MAN2A1: variants seen among roughly 807,000 people sequenced by gnomAD.
MAN2A1 encodes the protein alpha-mannosidase 2.
A neutral mutation model predicts 142.6 loss-of-function variants in MAN2A1; 76 were observed. The observed-to-expected ratio is 0.53, with a 90% confidence interval of 0.44 to 0.65. The LOEUF is 0.65. Among genes scored for constraint, MAN2A1 ranks in the 30% least tolerant of loss-of-function variants. MAN2A1 has a pLI of 0.00. For missense variants in MAN2A1, 1,311 were observed against 1,365.1 expected (o/e 0.96, Z 0.62); for synonymous variants, 559 against 473.2 (o/e 1.18, Z -2.35).
intron 21 of MAN2A1, 81 bp downstream of exon 21, chr5:109,865,227 A>C: frequency 4.1e-6 from 4 of 980,402 alleles, no homozygotes; most frequent in Non-Finnish European, 4.8e-6. Context: ...CAATAAGATC[A>C]TGTTTCATTG....
rs145671766 is a variant in MAN2A1 at position 109,865,006 on chromosome 5, G to C, written c.3172-30G>C. The C allele has an allele frequency of 2.8e-6, 4 of 1,419,906 alleles. No homozygotes were observed. In the Admixed American group the frequency reaches 5.0e-5, roughly 18 times the overall value. 88.0% of individuals were successfully genotyped at this position (1,419,906 alleles called of 1,614,324 possible). A position where few individuals can be genotyped will look rare whatever the true frequency, so the allele number is the denominator to read the frequency against. On this transcript the variant is annotated intron_variant, in intron 20 of 21. Transcript: ENST00000261483. ...CATAAATATTTGCTTTATTGTCTGCGCGGTGTGACTGCATTCTGCTCATTT... is the reference window on the plus strand; with the variant it reads ...CATAAATATTTGCTTTATTGTCTGCCCGGTGTGACTGCATTCTGCTCATTT...
chr5:109,830,083 A>G (rs759809), intron 16 of MAN2A1, among the ~76,000 whole-genome samples: 60,305 of 152,018 alleles, frequency 0.4, 12,826 homozygotes, highest in African/African-American at 0.56. Context: ...ATCAAATCCA[A>G]GTCTCACCCT....
intron 7 of MAN2A1, among the ~76,000 whole-genome samples, chr5:109,772,485 G>T (rs1053150128): frequency 2.0e-5 from 3 of 152,074 alleles, no homozygotes; most frequent in Admixed American, 6.6e-5. Context: ...TCAAACACAG[G>T]CATTCCAGCT....
chr5:109,722,264 CCTT>C (rs1751625978), intron 3 of MAN2A1, among the ~76,000 whole-genome samples: 1 of 152,118 alleles, frequency 6.6e-6, no homozygotes, highest in Admixed American at 6.5e-5. Context: ...TATCTCCTAT[CCTT>C]CTTTTCCTTC....
chr5:109,769,919 T>C (rs531487686), intron 6 of MAN2A1, among the ~76,000 whole-genome samples: 135 of 152,300 alleles, frequency 8.9e-4, no homozygotes, highest in African/African-American at 3.0e-3. Flanking sequence ...ATCCCTTTTT[T>C]ACTCCGTTCT....
chr5:109,763,804 CTTT>C (rs34748595), intron 5 of MAN2A1, among the ~76,000 whole-genome samples: 1 of 143,710 alleles, frequency 7.0e-6, no homozygotes. Context: ...ACCATTATAA[CTTT>C]TTTTTTTTTT....
intron 6 of MAN2A1, 141 bp from the exon 7 acceptor site, chr5:109,770,214 T>G: frequency 1.5e-6 from 1 of 675,320 alleles, no homozygotes; most frequent in Non-Finnish European, 2.5e-6. Context: ...CGCTGGGGTA[T>G]ATGTACTGGA....
At chr5:109,770,247 G>A (rs2112650356) in intron 6 of MAN2A1, 108 bp from the exon 7 acceptor site, 4 of 1,011,900 alleles carry the variant, frequency 4.0e-6, no homozygotes, top group Non-Finnish European at 2.9e-6. Flanking sequence ...TGCTGATTTA[G>A]CACAGAGCTA....
intron 6 of MAN2A1, among the ~76,000 whole-genome samples, chr5:109,769,135 C>G (rs1435318494): frequency 6.6e-6 from 1 of 152,138 alleles, no homozygotes; most frequent in Non-Finnish European, 1.5e-5. Flanking sequence ...TTGTGACAAC[C>G]TTTTGTGGCG....
At chr5:109,697,907 C>T (rs1750859300) in intron 1 of MAN2A1, among the ~76,000 whole-genome samples, 2 of 152,176 alleles carry the variant, frequency 1.3e-5, no homozygotes, top group Admixed American at 1.3e-4. Flanking sequence ...GTGTTATCTA[C>T]ATGTTTCATA....
chr5:109,720,974 A>G (rs1751586381), intron 3 of MAN2A1, among the ~76,000 whole-genome samples: 1 of 152,192 alleles, frequency 6.6e-6, no homozygotes, highest in Non-Finnish European at 1.5e-5. Flanking sequence ...GGGAAATTTT[A>G]GTTTCTGGAG....
At chr5:109,721,503 C>G (rs995119443) in intron 3 of MAN2A1, among the ~76,000 whole-genome samples, 1 of 152,082 alleles carries the variant, frequency 6.6e-6, no homozygotes, top group Non-Finnish European at 1.5e-5. Context: ...ATGCAGCATG[C>G]TTATACTAAA....
chr5:109,819,764 G>T lies in MAN2A1; in HGVS notation c.2205G>T (p.Leu735Phe). Residue 735 changes from leucine to phenylalanine, a missense_variant, in exon 14 of 22, where the codon TTG becomes TTT. Around this residue, in one of 3 missense-constraint regions of MAN2A1, gnomAD observed 890 missense variants for 920.5 expected, o/e 0.97. Coordinates refer to ENST00000261483, the MANE Select transcript of MAN2A1 (RefSeq NM_002372.4). Reference protein sequence around the residue: ...SSNSHLADYVLYKNKVEDSGI... With the variant: ...SSNSHLADYVFYKNKVEDSGI... ...ATTCACATTTAGCTGATTATGTCTT[G>T]TATAAGAATAAAGTAGAAGATAGCG... The T allele has an allele frequency of 6.2e-7, 1 of 1,610,958 alleles. No homozygotes were observed. The highest frequency in any genetic ancestry group is 1.1e-5 in the South Asian group (1 of 90,718).
At chr5:109,763,411 C>T (rs1752904762) in intron 5 of MAN2A1, among the ~76,000 whole-genome samples, 1 of 151,960 alleles carries the variant, frequency 6.6e-6, no homozygotes, top group South Asian at 2.1e-4. Flanking sequence ...AGGAACATAT[C>T]TGAGGATATG....
At position 109,766,949 on chromosome 5, in the gene MAN2A1, T is replaced by C. The variant is rs187586677; in HGVS notation, c.836-586T>C. On this transcript the variant is annotated intron_variant, in intron 5 of 21. Coordinates refer to ENST00000261483, the MANE Select transcript of MAN2A1 (RefSeq NM_002372.4). ...CTATGAGAAATCACTGGCACCTTTG[T>C]AGGTAGAGTGAAAGCACCAGCATCA... Among the ~76,000 whole-genome samples, 37 of 152,300 alleles carry C rather than the reference T, an allele frequency of 2.4e-4. No homozygotes were observed. The East Asian group carries it at 6.2e-3, about 25-fold the overall frequency.
intron 8 of MAN2A1, among the ~76,000 whole-genome samples, chr5:109,779,239 C>A (rs1437516232): frequency 6.6e-6 from 1 of 151,970 alleles, no homozygotes; most frequent in Non-Finnish European, 1.5e-5. Context: ...TGGGACATTG[C>A]CAAGAAGGAA....
chr5:109,858,207 A>G (rs549012873), intron 20 of MAN2A1, among the ~76,000 whole-genome samples: 109 of 152,328 alleles, frequency 7.2e-4, no homozygotes, highest in African/African-American at 2.4e-3. Context: ...TTGCATTATC[A>G]TATCAGTTGG....
chr5:109,852,754 A>G (rs1755516359), intron 19 of MAN2A1, among the ~76,000 whole-genome samples: 1 of 152,242 alleles, frequency 6.6e-6, no homozygotes, highest in East Asian at 1.9e-4. Context: ...ACTTAAACAC[A>G]TAAAATTTCC....
chr5:109,817,893 C>T (rs1292200555), intron 13 of MAN2A1, among the ~76,000 whole-genome samples: 1 of 151,970 alleles, frequency 6.6e-6, no homozygotes, highest in Non-Finnish European at 1.5e-5. Flanking sequence ...GAGAAATGCC[C>T]TAAAATAATT....
Sources: gnomAD v4.1 joint callset for allele counts (sites outside exome capture counted in the v4.1 genomes callset) on GRCh38, gnomAD v4.1.1 for gene constraint, gnomAD v4.1.1 regional missense constraint, MANE v1.5 for transcripts, NCBI Gene and HGNC (gene_info 2026-07-23, HGNC 2026-07-21) for gene names.